The following PLA2R1 variants were observed in gnomAD, a reference collection of about 807,000 sequenced individuals.
The protein encoded by PLA2R1 is phospholipase A2 receptor 1.
PLA2R1 carries 158 observed loss-of-function variants against 195.9 expected under a neutral mutation model. The ratio of observed to expected loss-of-function variants is 0.81; its 90% CI spans 0.71 to 0.92. PLA2R1 has a LOEUF of 0.92. Ranked by LOEUF, PLA2R1 falls within the 40% of genes least tolerant of loss-of-function variation. The pLI is 0.00. For synonymous variants in PLA2R1, 586 were observed against 598.2 expected (o/e 0.98, Z 0.30); for missense variants, 1,626 against 1,764.6 (o/e 0.92, Z 1.41).
chr2:159,949,544 C>T (rs1687594644), intron 25 of PLA2R1, 64 bp downstream of exon 25: 2 of 1,215,196 alleles, frequency 1.6e-6, no homozygotes, highest in South Asian at 1.3e-5. Context: ...CTTTGCTTAG[C>T]ACAGTGTCTT....
At chr2:159,930,215 T>G (rs570843950), downstream of PLA2R1, among the ~76,000 whole-genome samples, 1 of 152,118 alleles carries the variant, frequency 6.6e-6, no homozygotes, top group South Asian at 2.1e-4. Context: ...GAGGCCATCC[T>G]GGCTAACACG....
chr2:159,953,214 G>C (rs547073032), intron 23 of PLA2R1, among the ~76,000 whole-genome samples: 18 of 152,296 alleles, frequency 1.2e-4, no homozygotes, highest in African/African-American at 4.1e-4. Context: ...TGAGCAGCAT[G>C]GTTTTGCCAC....
chr2:160,016,472 G>GA, intron 9 of PLA2R1, 142 bp downstream of exon 9: 4 of 516,992 alleles, frequency 7.7e-6, no homozygotes, highest in South Asian at 2.1e-5. Flanking sequence ...AAGGAAAGAA[G>GA]GGGGGGGTGC....
At chr2:159,948,642 CAAAAAA>C (rs56329076) in intron 25 of PLA2R1, among the ~76,000 whole-genome samples, 1 of 95,840 alleles carries the variant, frequency 1.0e-5, no homozygotes, top group Non-Finnish European at 2.0e-5. Flanking sequence ...CAAGTGCTAA[CAAAAAA>C]AAAAAAAAAA....
intron 3 of PLA2R1, among the ~76,000 whole-genome samples, chr2:160,038,870 C>CG (rs970251675): frequency 1.3e-5 from 2 of 151,778 alleles, no homozygotes; most frequent in Non-Finnish European, 2.9e-5. Context: ...AGGGCGGGAG[C>CG]GGGGGCAGGC....
At chr2:160,050,270 C>T (rs80182314) in intron 1 of PLA2R1, among the ~76,000 whole-genome samples, 1,290 of 110,094 alleles carry the variant, frequency 0.012, 25 homozygotes, top group African/African-American at 0.05. Flanking sequence ...AGACTCTGAG[C>T]GGGGAGTGTG....
chr2:160,009,954 T>A (rs1692246867), intron 10 of PLA2R1, among the ~76,000 whole-genome samples: 2 of 151,770 alleles, frequency 1.3e-5, no homozygotes, highest in African/African-American at 4.8e-5. Flanking sequence ...TAAAAAATTT[T>A]AAAAAATTAG....
Position 159,951,350 on chromosome 2 carries a change from A to AAC in PLA2R1, c.3528_3529dup (p.Phe1177CysfsTer80), listed in dbSNP as rs1232324570. On this transcript the variant is annotated frameshift_variant, in exon 24 of 30. Coordinates refer to ENST00000283243, the MANE Select transcript of PLA2R1 (RefSeq NM_007366.5). LOFTEE classifies it high-confidence loss of function. ...AGTTAGGATACCTACATCTGTGGTG[A>AAC]ACAGTCCAATCCAGTGGGCATATCC... 1 of 1,592,326 alleles carries AAC rather than the reference A, an allele frequency of 6.3e-7. No individual in the cohort carries two copies. Among genetic ancestry groups the AAC allele is most frequent in the Non-Finnish European group, 8.6e-7 (1 of 1,160,150 alleles).
At chr2:159,946,266 CA>C in intron 27 of PLA2R1, 1 of 985,066 alleles carries the variant, frequency 1.0e-6, no homozygotes, top group Non-Finnish European at 1.2e-6. Flanking sequence ...AACCTTGGTA[CA>C]CCACTGTAAC....
At chr2:159,988,499 G>C (rs1011738280) in intron 11 of PLA2R1, among the ~76,000 whole-genome samples, 2 of 152,184 alleles carry the variant, frequency 1.3e-5, no homozygotes, top group Non-Finnish European at 2.9e-5. Flanking sequence ...TTCTGGAGGA[G>C]ACATCAGAAG....
rs767496678 is a variant in PLA2R1, at chr2:160,044,853, C to G, written c.414G>C (p.Val138=). Residue 138 remains valine (V), a synonymous_variant, in exon 2 of 30, where the codon GTG becomes GTC. Coordinates refer to ENST00000283243, the MANE Select transcript of PLA2R1 (RefSeq NM_007366.5). ...TATGAATATACTTCCGTGAGGCCAC[C>G]ACTGTGTTGTCATGCGCCACCTGGA... ...YSVQVAHDNT[V]VASRKYIHKW... is the part of the protein sequence containing the mutation. 5.6e-6 allele frequency: 9 copies of G among 1,613,880 alleles called. No homozygotes were observed. The highest frequency in any genetic ancestry group is 2.2e-5 in the South Asian group (2 of 91,074).
At chr2:159,996,679 G>T (rs923517158) in intron 11 of PLA2R1, among the ~76,000 whole-genome samples, 4 of 152,046 alleles carry the variant, frequency 2.6e-5, no homozygotes, top group Middle Eastern at 3.4e-3. Flanking sequence ...CCATTACACA[G>T]TTTGAAGTTG....
chr2:160,000,350 AG>A (rs371527742), intron 11 of PLA2R1, among the ~76,000 whole-genome samples: 122 of 152,318 alleles, frequency 8.0e-4, no homozygotes, highest in African/African-American at 2.7e-3. Flanking sequence ...AACTTCATGC[AG>A]GTTAGTCGTT....
intron 11 of PLA2R1, among the ~76,000 whole-genome samples, chr2:159,988,780 T>C (rs1690541076): frequency 6.6e-6 from 1 of 152,210 alleles, no homozygotes; most frequent in South Asian, 2.1e-4. Context: ...GCATTGTGCT[T>C]GTCATCTATG....
chr2:159,973,284 C>T (rs1249770199), intron 17 of PLA2R1, among the ~76,000 whole-genome samples: 1 of 152,040 alleles, frequency 6.6e-6, no homozygotes, highest in Admixed American at 6.6e-5. Flanking sequence ...AAGGTAGGCA[C>T]AAATTATGCA....
intron 10 of PLA2R1, 76 bp from the exon 11 acceptor site, chr2:160,005,897 G>T: frequency 1.1e-6 from 1 of 933,824 alleles, no homozygotes; most frequent in Non-Finnish European, 1.7e-6. Flanking sequence ...ATAATGAAGT[G>T]CACAGAATGG....
intron 1 of PLA2R1, among the ~76,000 whole-genome samples, chr2:160,047,617 T>C (rs1694953631): frequency 6.6e-6 from 1 of 152,244 alleles, no homozygotes; most frequent in Non-Finnish European, 1.5e-5. Context: ...TTTGCCTCCT[T>C]TGTTCAAATA....
intron 13 of PLA2R1, among the ~76,000 whole-genome samples, chr2:159,982,731 A>C (rs1226524717): frequency 6.6e-6 from 1 of 152,224 alleles, no homozygotes; most frequent in Non-Finnish European, 1.5e-5. Flanking sequence ...TCCTACAAGG[A>C]AACTTGTGGG....
intron 10 of PLA2R1, among the ~76,000 whole-genome samples, chr2:160,011,042 C>A (rs2667012): frequency 0.55 from 84,377 of 152,132 alleles, 23,781 homozygotes; most frequent in East Asian, 0.6. Context: ...CATAGTTCTG[C>A]TTTACAGATG....
Sources: gnomAD v4.1 joint callset for allele counts (sites outside exome capture counted in the v4.1 genomes callset) on GRCh38, gnomAD v4.1.1 for gene constraint, MANE v1.5 for transcripts, NCBI Gene and HGNC (gene_info 2026-07-23, HGNC 2026-07-21) for gene names.